Variants in CHRM3 observed in about 807,000 individuals in gnomAD.
CHRM3 encodes the protein muscarinic acetylcholine receptor M3.
A neutral mutation model predicts 41.8 loss-of-function variants in CHRM3; 11 were observed. The observed-to-expected ratio is 0.26, with a 90% CI of 0.17 to 0.44. The LOEUF (loss-of-function observed/expected upper bound fraction) is 0.44. Ranked by LOEUF, CHRM3 falls within the 20% of genes least tolerant of loss-of-function variation. CHRM3 has a pLI of 1.00. For synonymous variants in CHRM3, 297 were observed against 301.4 expected, an observed-to-expected ratio of 0.99 and a Z score of 0.15; for missense variants, 571 against 745.4, an observed-to-expected ratio of 0.77 and a Z score of 2.72.
Position 239,555,624 on chromosome 1 carries a change from C to A in CHRM3, c.-313+9875C>A, listed in dbSNP as rs567180093. ...GACTGGCAACCCAGAAGTTACTACC[C>A]ATTTCCTAGGAATTTGTGCATTAAC... On this transcript the variant is annotated intron_variant, in intron 3 of 6. Transcript: ENST00000676153. Among the ~76,000 whole-genome samples the A allele has an allele frequency of 7.1e-3, 1,081 of 152,274 alleles. 12 individuals are homozygous for A. The highest frequency in any genetic ancestry group is 0.025 in the African/African-American group (1,043 of 41,570).
At chr1:239,433,699 G>T (rs1297064971) in intron 1 of CHRM3, among the ~76,000 whole-genome samples, 1 of 149,874 alleles carries the variant, frequency 6.7e-6, no homozygotes, top group African/African-American at 2.5e-5. Flanking sequence ...TATGAACGAA[G>T]ACATATGATG....
chr1:239,868,193 G>A (rs540548), intron 6 of CHRM3, among the ~76,000 whole-genome samples: 3 of 152,136 alleles, frequency 2.0e-5, no homozygotes, highest in Non-Finnish European at 4.4e-5. Flanking sequence ...ACACCCTTGG[G>A]TGCTTTCAGA....
intron 4 of CHRM3, among the ~76,000 whole-genome samples, chr1:239,654,845 A>G (rs933954464): frequency 6.6e-6 from 1 of 152,248 alleles, no homozygotes; most frequent in Non-Finnish European, 1.5e-5. Flanking sequence ...AGGAAAAATA[A>G]TAAGACCCCA....
chr1:239,651,471 G>A (rs76701601), intron 4 of CHRM3, among the ~76,000 whole-genome samples: 1,970 of 152,274 alleles, frequency 0.013, 56 homozygotes, highest in African/African-American at 0.045. Flanking sequence ...ATAAAGCCTC[G>A]CACAGAGAAT....
At chr1:239,474,380 GA>G (rs1230698724) in intron 1 of CHRM3, among the ~76,000 whole-genome samples, 2 of 151,962 alleles carry the variant, frequency 1.3e-5, no homozygotes, top group African/African-American at 4.8e-5. Flanking sequence ...TAAATTATTA[GA>G]AACACACTTT....
At chr1:239,698,969 C>T (rs1366335475) in intron 5 of CHRM3, among the ~76,000 whole-genome samples, 4 of 152,086 alleles carry the variant, frequency 2.6e-5, no homozygotes, top group Admixed American at 2.6e-4. Context: ...ACTGTATATA[C>T]ATTTTTATTA....
chr1:239,596,492 G>A (rs1664791854), intron 3 of CHRM3, among the ~76,000 whole-genome samples: 1 of 152,084 alleles, frequency 6.6e-6, no homozygotes, highest in Non-Finnish European at 1.5e-5. Flanking sequence ...ACAAATCATT[G>A]TTTTACTATT....
chr1:239,781,927 C>G (rs548493463), intron 5 of CHRM3, among the ~76,000 whole-genome samples: 1 of 152,084 alleles, frequency 6.6e-6, no homozygotes, highest in Non-Finnish European at 1.5e-5. Flanking sequence ...AATGAATTTT[C>G]AAATGTTGAA....
chr1:239,688,787 T>G (rs2147956895), intron 5 of CHRM3, among the ~76,000 whole-genome samples: 1 of 138,970 alleles, frequency 7.2e-6, no homozygotes, highest in Non-Finnish European at 1.5e-5. Flanking sequence ...TTCAATATAA[T>G]ATACAATATT....
chr1:239,405,613 A>T (rs1660531841), intron 1 of CHRM3, among the ~76,000 whole-genome samples: 1 of 152,304 alleles, frequency 6.6e-6, no homozygotes, highest in Non-Finnish European at 1.5e-5. Context: ...TTTAAAAAAA[A>T]AAATTGTTCT....
intron 1 of CHRM3, among the ~76,000 whole-genome samples, chr1:239,485,708 C>A (rs1238565682): frequency 6.6e-6 from 1 of 152,182 alleles, no homozygotes; most frequent in Non-Finnish European, 1.5e-5. Context: ...CTTGAACCCT[C>A]TCTAGCTCTG....
chr1:239,614,743 T>G (rs1277910866), intron 3 of CHRM3, among the ~76,000 whole-genome samples: 1 of 152,232 alleles, frequency 6.6e-6, no homozygotes, highest in Admixed American at 6.5e-5. Flanking sequence ...AACCTAGCTT[T>G]TACCTTATCC....
At chr1:239,435,397 C>G (rs1468414433) in intron 1 of CHRM3, among the ~76,000 whole-genome samples, 2 of 150,758 alleles carry the variant, frequency 1.3e-5, no homozygotes, top group Non-Finnish European at 3.0e-5. Context: ...TGCAGTGAGC[C>G]GAGATTGCAC....
intron 5 of CHRM3, among the ~76,000 whole-genome samples, chr1:239,822,869 A>G (rs1281643919): frequency 6.6e-6 from 1 of 152,248 alleles, no homozygotes; most frequent in Non-Finnish European, 1.5e-5. Context: ...ATAGGTACTT[A>G]GAGTAAAATG....
intron 2 of CHRM3, among the ~76,000 whole-genome samples, chr1:239,514,126 C>G (rs1291125329): frequency 6.6e-6 from 1 of 152,014 alleles, no homozygotes; most frequent in African/African-American, 2.4e-5. Flanking sequence ...GGTCTTTTGC[C>G]TCTCTGTATA....
chr1:239,799,110 T>G (rs1670009406), intron 5 of CHRM3, among the ~76,000 whole-genome samples: 1 of 152,076 alleles, frequency 6.6e-6, no homozygotes, highest in Non-Finnish European at 1.5e-5. Context: ...AGCAAAATAA[T>G]GAGGTACCAA....
At chr1:239,818,865 G>A (rs1671810371) in intron 5 of CHRM3, among the ~76,000 whole-genome samples, 1 of 152,152 alleles carries the variant, frequency 6.6e-6, no homozygotes, top group African/African-American at 2.4e-5. Context: ...AAGCTAAGTG[G>A]ACTTCCTTAT....
At chr1:239,899,529 A>G (rs1572634946) in intron 6 of CHRM3, among the ~76,000 whole-genome samples, 2 of 149,938 alleles carry the variant, frequency 1.3e-5, no homozygotes, top group Non-Finnish European at 3.0e-5. Flanking sequence ...TCAAAATGCA[A>G]CAGCCAATTA....
chr1:239,575,810 G>A (rs1459232353), intron 3 of CHRM3, among the ~76,000 whole-genome samples: 2 of 151,476 alleles, frequency 1.3e-5, no homozygotes, highest in East Asian at 3.9e-4. Flanking sequence ...AAAAAAACAC[G>A]TAAAACAAAA....
Sources: gnomAD v4.1 joint callset for allele counts (sites outside exome capture counted in the v4.1 genomes callset) on GRCh38, gnomAD v4.1.1 for gene constraint, MANE v1.5 for transcripts, NCBI Gene and HGNC (gene_info 2026-07-23, HGNC 2026-07-21) for gene names.